Variants in OBI1 observed in about 807,000 individuals in gnomAD.
OBI1 encodes the protein ring finger protein 219.
OBI1 carries 59 observed loss-of-function variants against 62.4 expected under a neutral mutation model. The ratio of observed to expected loss-of-function variants is 0.95; its 90% CI spans 0.77 to 1.17. The LOEUF (loss-of-function observed/expected upper bound fraction) is 1.17, where lower values mean the gene tolerates loss of function less well. Among genes scored for constraint, OBI1 ranks in the 50% most tolerant of loss-of-function variants. The pLI is 0.00. For synonymous variants in OBI1, 302 were observed against 292.8 expected, an observed-to-expected ratio of 1.03 and a Z score of -0.32; for missense variants, 875 against 830.9, an observed-to-expected ratio of 1.05 and a Z score of -0.65.
rs550044909 is a variant in OBI1, at chr13:78,648,835, C to G, written c.73-3838G>C. 2.6e-5 allele frequency among the ~76,000 whole-genome samples: 4 copies of G among 151,794 alleles called. No homozygotes were observed. In the South Asian group the frequency reaches 8.3e-4, roughly 32 times the overall value. On this transcript the variant is annotated intron_variant, in intron 1 of 5. Coordinates refer to ENST00000282003, the MANE Select transcript of OBI1 (RefSeq NM_024546.4). ...GGCTGAGGCAGGAGAATCACTTGAACCCGGGAGGCAGAGGTTGCGGCGAGC... is the reference window on the plus strand; with the variant it reads ...GGCTGAGGCAGGAGAATCACTTGAAGCCGGGAGGCAGAGGTTGCGGCGAGC...
chr13:78,624,344 A>C (rs1343755580), intron 5 of OBI1, among the ~76,000 whole-genome samples: 1 of 152,236 alleles, frequency 6.6e-6, no homozygotes, highest in Non-Finnish European at 1.5e-5. Flanking sequence ...CCTTGCAGTA[A>C]TTCCTTATCC....
intron 1 of OBI1, among the ~76,000 whole-genome samples, chr13:78,646,240 T>C (rs1279661704): frequency 6.6e-6 from 1 of 152,186 alleles, no homozygotes; most frequent in African/African-American, 2.4e-5. Context: ...ATTTATTGTC[T>C]ATCTCCCTTA....
chr13:78,617,690 C>G (rs1490399643), intron 5 of OBI1, among the ~76,000 whole-genome samples: 1 of 152,138 alleles, frequency 6.6e-6, no homozygotes, highest in Non-Finnish European at 1.5e-5. Flanking sequence ...TGATCTGAAG[C>G]TTTTCTGTGG....
intron 1 of OBI1, among the ~76,000 whole-genome samples, chr13:78,649,955 A>T (rs2329099): frequency 0.53 from 81,351 of 152,062 alleles, 23,975 homozygotes; most frequent in Middle Eastern, 0.69. Context: ...GAAGTGGGTT[A>T]CAGATTTGAG....
At chr13:78,637,413 C>T (rs990891325) in intron 4 of OBI1, among the ~76,000 whole-genome samples, 1 of 152,156 alleles carries the variant, frequency 6.6e-6, no homozygotes, top group African/African-American at 2.4e-5. Flanking sequence ...TAACATTTGA[C>T]CATTAAAAGA....
chr13:78,623,259 A>G (rs560693986), intron 5 of OBI1, among the ~76,000 whole-genome samples: 12 of 143,972 alleles, frequency 8.3e-5, no homozygotes, highest in African/African-American at 2.7e-4. Flanking sequence ...GATATACTGA[A>G]AGAGAACATT....
At chr13:78,635,857 G>T (rs934128955) in intron 4 of OBI1, among the ~76,000 whole-genome samples, 48 of 152,186 alleles carry the variant, frequency 3.2e-4, no homozygotes, top group Non-Finnish European at 1.5e-4. Context: ...CCACCTCCAG[G>T]GTTCAGGTGA....
At chr13:78,654,656 TC>T (rs1876643350) in intron 1 of OBI1, among the ~76,000 whole-genome samples, 1 of 152,186 alleles carries the variant, frequency 6.6e-6, no homozygotes, top group Admixed American at 6.5e-5. Flanking sequence ...AAAGAAGGGA[TC>T]CTTTTGATAG....
At chr13:78,636,791 A>G (rs539307218) in intron 4 of OBI1, among the ~76,000 whole-genome samples, 45 of 152,342 alleles carry the variant, frequency 3.0e-4, no homozygotes, top group Non-Finnish European at 5.7e-4. Flanking sequence ...GCACAGCACC[A>G]TAAGGGGAGG....
chr13:78,628,185 T>C (rs1875736072), intron 5 of OBI1, among the ~76,000 whole-genome samples: 1 of 152,208 alleles, frequency 6.6e-6, no homozygotes. Flanking sequence ...ACTTACAAGA[T>C]AGGTAGTACT....
chr13:78,641,731 G>A (rs547120932), intron 3 of OBI1, among the ~76,000 whole-genome samples: 9 of 151,934 alleles, frequency 5.9e-5, no homozygotes, highest in African/African-American at 1.7e-4. Flanking sequence ...ACTGATGACT[G>A]CAGAGGTCAG....
At chr13:78,650,691 T>C (rs1876519082) in intron 1 of OBI1, among the ~76,000 whole-genome samples, 1 of 151,900 alleles carries the variant, frequency 6.6e-6, no homozygotes, top group African/African-American at 2.4e-5. Flanking sequence ...TTCATTCAGG[T>C]TTAAGATAAT....
chr13:78,642,224 A>G lies in OBI1; in HGVS notation c.209-11T>C. ...TTTCACTTGTTCCTCCTGTAGGGAA[A>G]AAAAAAAAAATCCTAATTTTTCATT... On this transcript the variant is annotated splice_polypyrimidine_tract_variant and intron_variant, in intron 2 of 5. Coordinates refer to ENST00000282003, the MANE Select transcript of OBI1 (RefSeq NM_024546.4). The G allele has an allele frequency of 6.7e-7, 1 of 1,482,774 alleles. No individual in the cohort carries two copies. Among genetic ancestry groups the G allele is most frequent in the Non-Finnish European group, 9.3e-7 (1 of 1,076,098 alleles). 91.9% of individuals were successfully genotyped at this position (1,482,774 alleles called of 1,614,324 possible). A position where few individuals can be genotyped will look rare whatever the true frequency, so the allele number is the denominator to read the frequency against.
intron 5 of OBI1, among the ~76,000 whole-genome samples, chr13:78,633,861 A>C (rs1483752962): frequency 6.6e-6 from 1 of 151,928 alleles, no homozygotes; most frequent in Non-Finnish European, 1.5e-5. Flanking sequence ...AGGTCAGGAG[A>C]TCGAGACCAT....
chr13:78,631,934 T>C (rs769777184), intron 5 of OBI1, among the ~76,000 whole-genome samples: 5 of 152,188 alleles, frequency 3.3e-5, no homozygotes, highest in Non-Finnish European at 7.3e-5. Context: ...TTCGTTTTTA[T>C]ACAATACCAT....
At chr13:78,621,658 CAAT>C (rs1289178428) in intron 5 of OBI1, among the ~76,000 whole-genome samples, 5 of 152,168 alleles carry the variant, frequency 3.3e-5, no homozygotes, top group African/African-American at 9.7e-5. Flanking sequence ...AATATTACAA[CAAT>C]GTCAGTCCAT....
rs1196592100 is a variant in OBI1, at chr13:78,623,918, A to G, written c.639-6796T>C. Among the ~76,000 whole-genome samples, 4 of 152,238 alleles carry G rather than the reference A, an allele frequency of 2.6e-5. No homozygotes were observed. In the East Asian group the frequency reaches 7.7e-4, roughly 29 times the overall value. On this transcript the variant is annotated intron_variant, in intron 5 of 5. Transcript: ENST00000282003. ...TATTAAAGTGGCCTTGCATGAAAGT[A>G]CAGCATTGACAGACCACCCTGGTAA...
intron 1 of OBI1, among the ~76,000 whole-genome samples, chr13:78,652,400 A>C (rs942899450): frequency 7.4e-5 from 6 of 80,584 alleles, no homozygotes; most frequent in African/African-American, 2.2e-4. Context: ...TTCCCAAGAC[A>C]AAAAAAAAAA....
Position 78,649,644 on chromosome 13 carries a change from T to C in OBI1, c.73-4647A>G, listed in dbSNP as rs949613295. Among the ~76,000 whole-genome samples, 3 of 152,100 alleles carry C rather than the reference T, an allele frequency of 2.0e-5. No individual in the cohort carries two copies. The East Asian group carries it at 5.8e-4, about 29-fold the overall frequency. ...CGGTTAGGAATACCAATGGGAATGA[T>C]AAAGAGAGGATATTAGTGATGGATG... On this transcript the variant is annotated intron_variant, in intron 1 of 5. Coordinates refer to ENST00000282003, the MANE Select transcript of OBI1 (RefSeq NM_024546.4).
Sources: allele counts gnomAD v4.1 joint callset (sites outside exome capture counted in the v4.1 genomes callset), GRCh38; gene constraint gnomAD v4.1.1; transcripts MANE v1.5; gene names NCBI Gene and HGNC (gene_info 2026-07-23, HGNC 2026-07-21).